The following PAG1 variants were observed in gnomAD, a reference collection of about 807,000 sequenced individuals.
PAG1 encodes the protein phosphoprotein associated with glycosphingolipid-enriched microdomains 1.
A neutral mutation model predicts 31.7 loss-of-function variants in PAG1; 23 were observed. That is an observed-to-expected ratio of 0.73 (90% CI 0.52 to 1.03). The LOEUF is 1.03. Among genes scored for constraint, PAG1 ranks in the 50% least tolerant of loss-of-function variants. The pLI is 0.00. For missense variants in PAG1, 473 were observed against 540.7 expected, an observed-to-expected ratio of 0.87 and a Z score of 1.24; for synonymous variants, 214 against 210.3, an observed-to-expected ratio of 1.02 and a Z score of -0.15.
rs751298343 is a variant in PAG1, at chr8:80,973,343, G to C, written c.*3201C>G. The C allele has an allele frequency of 3.9e-5, 6 of 152,078 alleles. No homozygotes were observed. Among genetic ancestry groups the C allele is most frequent in the Non-Finnish European group, 8.8e-5 (6 of 68,020 alleles). 9.4% of individuals were successfully genotyped at this position (152,078 alleles called of 1,614,324 possible). A position where few individuals can be genotyped will look rare whatever the true frequency, so the allele number is the denominator to read the frequency against. On this transcript the variant is annotated 3_prime_UTR_variant, in exon 9 of 9. Coordinates refer to ENST00000220597, the MANE Select transcript of PAG1 (RefSeq NM_018440.4). ...GCCTAGGATACAGACAGGATATTGA[G>C]ACTATTTCAGAAAGTAGACACACTA... is the stretch of plus-strand genomic sequence containing the variant.
At chr8:80,977,437 G>A (rs1366190229) in intron 8 of PAG1, among the ~76,000 whole-genome samples, 2 of 152,164 alleles carry the variant, frequency 1.3e-5, no homozygotes, top group African/African-American at 2.4e-5. Context: ...CCCAGCAACC[G>A]GTGCTGATTC....
At position 80,976,414 on chromosome 8, in the gene PAG1, G is replaced by T; in HGVS notation, c.*130C>A. ...TGAACAACTGGGAGAACAGTCGACA[G>T]GGCCTCTCCAACCATCTTCAGGTGA... On this transcript the variant is annotated 3_prime_UTR_variant, in exon 9 of 9. Transcript: ENST00000220597. 1.1e-6 allele frequency: 1 copy of T among 902,764 alleles called. No homozygotes were observed. Among genetic ancestry groups the T allele is most frequent in the East Asian group, 2.5e-5 (1 of 40,560 alleles). 55.9% of individuals were successfully genotyped at this position (902,764 alleles called of 1,614,324 possible). A position where few individuals can be genotyped will look rare whatever the true frequency, so the allele number is the denominator to read the frequency against.
rs1160220539 is a variant in PAG1, at chr8:80,990,380, G to A, written c.177+1099C>T. Among the ~76,000 whole-genome samples, 1 of 152,106 alleles carries A rather than the reference G, an allele frequency of 6.6e-6. No individual in the cohort carries two copies. Among genetic ancestry groups the A allele is most frequent in the Non-Finnish European group, 1.5e-5 (1 of 68,030 alleles). On this transcript the variant is annotated intron_variant, in intron 5 of 8. Coordinates refer to ENST00000220597, the MANE Select transcript of PAG1 (RefSeq NM_018440.4). This position sits in a 1 kb window ranked among gnomAD's most constrained non-coding sequence, Gnocchi z 5.1. ...ATCTCTGCAAACGTCTGCTGGCTGC[G>A]GGTTTTACGCCAGACCTTGGCTCAT...
chr8:80,976,944 G>A (rs1193179293), intron 8 of PAG1, 38 bp from the exon 9 acceptor site: 3 of 1,556,762 alleles, frequency 1.9e-6, no homozygotes, highest in Middle Eastern at 1.8e-4. Context: ...ACTTCCAGCT[G>A]TGACTTCCCC....
chr8:81,065,572 G>A (rs1008296371), intron 2 of PAG1, among the ~76,000 whole-genome samples: 1 of 152,062 alleles, frequency 6.6e-6, no homozygotes, highest in Non-Finnish European at 1.5e-5. Context: ...TCTCCAGCCA[G>A]TTCTACTGTG....
At chr8:80,993,438 C>T (rs1055748332) in intron 3 of PAG1, 131 bp from the exon 4 acceptor site, 5 of 491,418 alleles carry the variant, frequency 1.0e-5, no homozygotes, top group African/African-American at 2.0e-5. Flanking sequence ...AGGAGAGCCC[C>T]GGACTGGACT....
At position 80,971,961 on chromosome 8, in the gene PAG1, T is replaced by G. The variant is rs1218486498; in HGVS notation, c.*4583A>C. On this transcript the variant is annotated 3_prime_UTR_variant, in exon 9 of 9. Coordinates refer to ENST00000220597, the MANE Select transcript of PAG1 (RefSeq NM_018440.4). ...GACTGATCTCTTTAAGTTAAACACT[T>G]TCAGTCTAAGTGTGTTCAACTGGCC... The G allele has an allele frequency of 6.6e-6, 1 of 152,216 alleles. No homozygotes were observed. The highest frequency in any genetic ancestry group is 1.5e-5 in the Non-Finnish European group (1 of 68,038). The allele number at this position is 152,216 out of a possible 1,614,324, so 9.4% of individuals were successfully genotyped here.
chr8:81,019,199 G>A (rs560441598), intron 3 of PAG1, among the ~76,000 whole-genome samples: 1 of 152,306 alleles, frequency 6.6e-6, no homozygotes, highest in East Asian at 1.9e-4. Flanking sequence ...CATTCAAGAG[G>A]AAGCAGAGAA....
Position 80,984,950 on chromosome 8 carries a change from T to G in PAG1, c.702A>C (p.Lys234Asn). Residue 234 changes from lysine to asparagine, a missense_variant, in exon 7 of 9, where the codon AAA becomes AAC. By Grantham distance (94) the Lys-to-Asn change is moderately conservative. Transcript: ENST00000220597. Reference sequence around the variant, plus strand: ...CTACATTAACACTTTGACGACATTTTTTGTTTCTGTCCACCGAGGCATATT... The same window carrying G: ...CTACATTAACACTTTGACGACATTTGTTGTTTCTGTCCACCGAGGCATATT... ...FAEYASVDRNKKCRQSVNVES... is the reference protein window; with the variant it reads ...FAEYASVDRNNKCRQSVNVES... The G allele has an allele frequency of 6.2e-7, 1 of 1,614,180 alleles. No homozygotes were observed. Among genetic ancestry groups the G allele is most frequent in the Non-Finnish European group, 8.5e-7 (1 of 1,180,028 alleles).
At chr8:81,033,764 C>T (rs1486258543) in intron 2 of PAG1, among the ~76,000 whole-genome samples, 1 of 152,240 alleles carries the variant, frequency 6.6e-6, no homozygotes, top group African/African-American at 2.4e-5. Context: ...GCTAAAGCCA[C>T]CCAGCAGAAC....
intron 2 of PAG1, among the ~76,000 whole-genome samples, chr8:81,044,553 G>A (rs1413713338): frequency 6.6e-6 from 1 of 152,136 alleles, no homozygotes. Flanking sequence ...TTGGACTTTT[G>A]GCATCCAGAA....
chr8:80,997,191 A>T, intron 3 of PAG1, among the ~76,000 whole-genome samples: 1 of 152,236 alleles, frequency 6.6e-6, no homozygotes, highest in South Asian at 2.1e-4. Flanking sequence ...TGTTTTTTTC[A>T]TGAAGACATT....
Position 81,041,061 on chromosome 8 carries a change from C to T in PAG1, c.-174-10972G>A, listed in dbSNP as rs141214510. On this transcript the variant is annotated intron_variant, in intron 2 of 8. Coordinates refer to ENST00000220597, the MANE Select transcript of PAG1 (RefSeq NM_018440.4). ...AAGCAGCAGACAGCAGTTTCCACAT[C>T]GATCTGCCAAAATGGAGAAAACTAG... Among the ~76,000 whole-genome samples, 11 of 152,290 alleles carry T rather than the reference C, an allele frequency of 7.2e-5. No individual in the cohort carries two copies. In the South Asian group the frequency reaches 1.4e-3, roughly 20 times the overall value.
chr8:81,086,126 C>T (rs1218586575), intron 1 of PAG1, among the ~76,000 whole-genome samples: 1 of 150,272 alleles, frequency 6.7e-6, no homozygotes, highest in Non-Finnish European at 1.5e-5. Flanking sequence ...GGACTACAGG[C>T]GCCCGCTACC....
rs147213811 is a variant in PAG1 at position 81,043,449 on chromosome 8, C to T, written c.-174-13360G>A. ...CTTTCTTTGTTACATATATAGTACC[C>T]TATACTAGTCACTGTTCAACAGTTT... is the stretch of plus-strand genomic sequence containing the variant. On this transcript the variant is annotated intron_variant, in intron 2 of 8. Coordinates refer to ENST00000220597, the MANE Select transcript of PAG1 (RefSeq NM_018440.4). Among the ~76,000 whole-genome samples, 7 of 152,220 alleles carry T rather than the reference C, an allele frequency of 4.6e-5. No homozygotes were observed. The South Asian group carries it at 1.2e-3, about 27-fold the overall frequency.
At chr8:81,084,788 T>C (rs868587290) in intron 1 of PAG1, among the ~76,000 whole-genome samples, 14 of 152,208 alleles carry the variant, frequency 9.2e-5, no homozygotes, top group African/African-American at 2.7e-4. Context: ...GTCACGATAT[T>C]AGAGCAGACA....
At chr8:81,069,923 T>C (rs754283128) in intron 2 of PAG1, among the ~76,000 whole-genome samples, 189 bp downstream of exon 2, 1 of 152,234 alleles carries the variant, frequency 6.6e-6, no homozygotes, top group African/African-American at 2.4e-5. Context: ...GCAGAAGACC[T>C]AAGTTGCTAA....
In PAG1 at chr8:80,985,011, G is replaced by A. The variant is rs377526474; in HGVS notation, c.641C>T (p.Pro214Leu). The A allele has an allele frequency of 1.9e-6, 3 of 1,613,996 alleles. No individual in the cohort carries two copies. The African/African-American group carries it at 4.0e-5, about 22-fold the overall frequency. ...AGCTTTGCCTTCAGTCTGGGGCCCT[G>A]GGAGCTCTTTCGAGGCAGAAGTAGA... is the stretch of plus-strand genomic sequence containing the variant. ...AKSTSASKEL[P>L]GPQTEGKAEF... The change falls in exon 7 of 9, where the codon CCA becomes CTA. Residue 214 changes from proline to leucine, a missense_variant. Pro to Leu is a moderately conservative substitution (Grantham distance 98). Transcript: ENST00000220597.
intron 2 of PAG1, among the ~76,000 whole-genome samples, chr8:81,060,643 G>A (rs2130921803): frequency 6.6e-6 from 1 of 152,294 alleles, no homozygotes; most frequent in South Asian, 2.1e-4. Flanking sequence ...TACTGCCTTT[G>A]CTCTGTTAAT....
Sources: gnomAD v4.1 joint callset for allele counts (sites outside exome capture counted in the v4.1 genomes callset) on GRCh38, gnomAD v4.1.1 for gene constraint, Gnocchi (gnomAD v3.1) non-coding constraint, MANE v1.5 for transcripts, NCBI Gene and HGNC (gene_info 2026-07-23, HGNC 2026-07-21) for gene names.